POC1B: variants seen among roughly 807,000 people sequenced by gnomAD.
The protein encoded by POC1B is POC1 centriolar protein B, also known as POC1 centriolar protein homolog B.
POC1B carries 44 observed loss-of-function variants against 60.6 expected under a neutral mutation model. The ratio of observed to expected loss-of-function variants is 0.73; its 90% CI spans 0.57 to 0.93. The LOEUF is 0.93. Ranked by LOEUF, POC1B falls within the 40% of genes least tolerant of loss-of-function variation. The probability of loss-of-function intolerance (pLI) is 0.00; values close to 1 mark genes in which losing one functional copy is unlikely to be tolerated. For missense variants in POC1B, 555 were observed against 572.3 expected (o/e 0.97, Z 0.31); for synonymous variants, 180 against 198.9 (o/e 0.90, Z 0.80).
intron 2 of POC1B, chr12:89,524,246 T>C (rs777831156): frequency 6.2e-7 from 1 of 1,614,046 alleles, no homozygotes; most frequent in South Asian, 1.1e-5. Context: ...TAAATATTGA[T>C]GGCGTATCTC....
intron 10 of POC1B, among the ~76,000 whole-genome samples, chr12:89,455,131 C>T (rs901070598): frequency 2.4e-4 from 36 of 152,060 alleles, no homozygotes; most frequent in African/African-American, 8.0e-4. Flanking sequence ...GTCAGGAGTT[C>T]GAGACCAGCT....
downstream of POC1B, among the ~76,000 whole-genome samples, chr12:89,416,867 G>GT (rs1230501471): frequency 6.6e-6 from 1 of 152,342 alleles, no homozygotes; most frequent in East Asian, 1.9e-4. Context: ...GGCTTGCTCT[G>GT]TCTCTGGAAG....
chr12:89,480,003 G>C (rs1488351823), intron 4 of POC1B, among the ~76,000 whole-genome samples: 1 of 152,048 alleles, frequency 6.6e-6, no homozygotes, highest in Non-Finnish European at 1.5e-5. Flanking sequence ...CACATTTATT[G>C]TAAGTTCTCA....
Position 89,500,444 on chromosome 12 carries a change from C to T in POC1B, c.101-3102G>A, listed in dbSNP as rs1869498612. On this transcript the variant is annotated intron_variant, in intron 2 of 11. Coordinates refer to ENST00000313546, the MANE Select transcript of POC1B (RefSeq NM_172240.3). ...ATCAGTTCAGGCCCATGAAGTTCGTCAGAAAATTCTGGCAACTGATGTTAG... is the reference window on the plus strand; with the variant it reads ...ATCAGTTCAGGCCCATGAAGTTCGTTAGAAAATTCTGGCAACTGATGTTAG... 8 of 1,556,782 alleles carry T rather than the reference C, an allele frequency of 5.1e-6. No homozygotes were observed. In the Middle Eastern group the frequency reaches 5.0e-4, roughly 97 times the overall value.
chr12:89,432,572 T>C (rs2717411), intron 10 of POC1B, among the ~76,000 whole-genome samples: 1 of 151,894 alleles, frequency 6.6e-6, no homozygotes, highest in Non-Finnish European at 1.5e-5. Flanking sequence ...TATACTCTAG[T>C]GGGTGAAGGA....
At chr12:89,488,483 ATTAT>A (rs902327464) in intron 4 of POC1B, among the ~76,000 whole-genome samples, 1 of 152,088 alleles carries the variant, frequency 6.6e-6, no homozygotes, top group African/African-American at 2.4e-5. Context: ...AGCTATTATT[ATTAT>A]TGTTATTATT....
intron 10 of POC1B, among the ~76,000 whole-genome samples, chr12:89,447,796 A>G (rs534398366): frequency 6.6e-6 from 1 of 152,232 alleles, no homozygotes; most frequent in South Asian, 2.1e-4. Flanking sequence ...TAAAGCTTCA[A>G]GCAGAAGTGT....
downstream of POC1B, among the ~76,000 whole-genome samples, chr12:89,415,939 C>T (rs1462843945): frequency 1.3e-5 from 2 of 152,212 alleles, no homozygotes; most frequent in Non-Finnish European, 2.9e-5. Context: ...CCCCAAATAT[C>T]GAGTGTCTAA....
chr12:89,490,062 C>T (rs1050516320), intron 4 of POC1B, among the ~76,000 whole-genome samples: 2 of 152,148 alleles, frequency 1.3e-5, no homozygotes, highest in African/African-American at 2.4e-5. Context: ...GGTACCAGCA[C>T]ATTTGAGAGA....
At chr12:89,453,437 C>T (rs911813849) in intron 10 of POC1B, among the ~76,000 whole-genome samples, 1 of 152,120 alleles carries the variant, frequency 6.6e-6, no homozygotes, top group African/African-American at 2.4e-5. Flanking sequence ...CTTTCATACC[C>T]TTAGAGCAGG....
At chr12:89,449,530 A>G (rs1881951053) in intron 10 of POC1B, among the ~76,000 whole-genome samples, 1 of 152,196 alleles carries the variant, frequency 6.6e-6, no homozygotes, top group South Asian at 2.1e-4. Flanking sequence ...AGGGGAAACA[A>G]TTCCCTAAAT....
intron 2 of POC1B, among the ~76,000 whole-genome samples, chr12:89,497,897 T>A (rs761604562): frequency 9.2e-5 from 14 of 152,204 alleles, no homozygotes; most frequent in Non-Finnish European, 1.3e-4. Flanking sequence ...CTGTACTTGT[T>A]TCTCCTTGCG....
At chr12:89,413,874 G>A in the POC1B span, among the ~76,000 whole-genome samples, 33 of 151,764 alleles carry the variant, frequency 2.2e-4, no homozygotes, top group African/African-American at 7.7e-4. Context: ...TTATTTATTT[G>A]TTTATTTATT....
At chr12:89,435,292 T>C (rs145405324) in intron 10 of POC1B, among the ~76,000 whole-genome samples, 2 of 151,966 alleles carry the variant, frequency 1.3e-5, no homozygotes, top group Non-Finnish European at 2.9e-5. Flanking sequence ...GAAATTCTCT[T>C]GTCTCAGCCT....
chr12:89,406,252 TAG>T, the POC1B span, among the ~76,000 whole-genome samples: 2 of 152,114 alleles, frequency 1.3e-5, no homozygotes, highest in African/African-American at 2.4e-5. Flanking sequence ...TCTTTAAAAA[TAG>T]AGTTTCATTT....
chr12:89,421,292 T>G, intron 11 of POC1B, 35 bp from the exon 12 acceptor site: 1 of 1,504,944 alleles, frequency 6.6e-7, no homozygotes, highest in Non-Finnish European at 9.2e-7. Context: ...CAATGCCTGG[T>G]CCTCTGGTGG....
chr12:89,523,960 C>G, intron 2 of POC1B: 1 of 1,613,766 alleles, frequency 6.2e-7, no homozygotes, highest in South Asian at 1.1e-5. Flanking sequence ...CCTAATCAAG[C>G]GTACTCTATC....
chr12:89,460,715 G>C (rs1882451094), intron 9 of POC1B: 1 of 152,080 alleles, frequency 6.6e-6, no homozygotes, highest in African/African-American at 2.4e-5. Flanking sequence ...AAATTAAAAA[G>C]TAAGTTACGG....
chr12:89,502,377 A>C, intron 2 of POC1B: 3 of 1,595,674 alleles, frequency 1.9e-6, no homozygotes, highest in Non-Finnish European at 2.6e-6. Context: ...GACAGCAAAT[A>C]GATTATCAAG....
Sources: gnomAD v4.1 joint callset for allele counts (sites outside exome capture counted in the v4.1 genomes callset) on GRCh38, gnomAD v4.1.1 for gene constraint, MANE v1.5 for transcripts, NCBI Gene and HGNC (gene_info 2026-07-23, HGNC 2026-07-21) for gene names.